Variants in GSK3B observed in about 807,000 individuals in gnomAD.
The protein encoded by GSK3B is glycogen synthase kinase 3 beta, also known as glycogen synthase kinase-3 beta.
GSK3B carries 15 observed loss-of-function variants against 56.4 expected under a neutral mutation model. The ratio of observed to expected loss-of-function variants is 0.27; its 90% CI spans 0.18 to 0.41. The LOEUF is 0.41. Among genes scored for constraint, GSK3B ranks in the 10% least tolerant of loss-of-function variants. The pLI, the probability that GSK3B is intolerant of heterozygous loss-of-function variation, is 1.00. For missense variants in GSK3B, 300 were observed against 513.4 expected, an observed-to-expected ratio of 0.58 and a Z score of 4.02; for synonymous variants, 181 against 188.9, an observed-to-expected ratio of 0.96 and a Z score of 0.34.
At chr3:119,862,024 C>T (rs2056110560) in intron 9 of GSK3B, among the ~76,000 whole-genome samples, 1 of 151,706 alleles carries the variant, frequency 6.6e-6, no homozygotes, top group Non-Finnish European at 1.5e-5. Context: ...ATGTTCAAGA[C>T]ACACATATTT....
At chr3:120,031,160 A>C (rs2057972198) in intron 1 of GSK3B, among the ~76,000 whole-genome samples, 1 of 152,252 alleles carries the variant, frequency 6.6e-6, no homozygotes, top group African/African-American at 2.4e-5. Context: ...CTAGAATTTC[A>C]AAAAAGGTAT....
intron 2 of GSK3B, among the ~76,000 whole-genome samples, chr3:119,970,943 T>C (rs893791989): frequency 2.0e-5 from 3 of 152,232 alleles, no homozygotes; most frequent in African/African-American, 7.2e-5. Context: ...CACTGTTTTG[T>C]AGACTTTTCT....
chr3:119,831,342 T>A (rs951631997), intron 10 of GSK3B, among the ~76,000 whole-genome samples: 7 of 152,176 alleles, frequency 4.6e-5, no homozygotes, highest in African/African-American at 1.7e-4. Context: ...ATTTCTATTA[T>A]CTGTAAGAGA....
chr3:119,897,167 C>T (rs951192013), intron 7 of GSK3B, among the ~76,000 whole-genome samples: 10 of 152,104 alleles, frequency 6.6e-5, no homozygotes, highest in African/African-American at 2.2e-4. Context: ...CCATTATCTG[C>T]AAGTCAAAAG....
chr3:119,926,442 C>A (rs911666958), intron 3 of GSK3B, among the ~76,000 whole-genome samples: 24 of 152,080 alleles, frequency 1.6e-4, no homozygotes, highest in African/African-American at 5.3e-4. Flanking sequence ...TCCAACCACT[C>A]ATCATCTTCA....
intron 2 of GSK3B, among the ~76,000 whole-genome samples, chr3:119,973,090 C>T (rs1559859568): frequency 6.6e-6 from 1 of 152,160 alleles, no homozygotes; most frequent in Non-Finnish European, 1.5e-5. Flanking sequence ...TTGTGCCAGT[C>T]ATTGGATTAA....
chr3:119,987,155 A>G (rs2057524076), intron 2 of GSK3B, among the ~76,000 whole-genome samples: 5 of 152,220 alleles, frequency 3.3e-5, no homozygotes, highest in Admixed American at 3.3e-4. Flanking sequence ...GGCAGGGAAC[A>G]TCACACACTG....
At chr3:120,045,338 T>G (rs112655956) in intron 1 of GSK3B, among the ~76,000 whole-genome samples, 1,844 of 152,310 alleles carry the variant, frequency 0.012, 32 homozygotes, top group African/African-American at 0.042. Flanking sequence ...CCTCCTTGCC[T>G]CTAGTTACTG....
chr3:119,929,953 C>T (rs200706356), intron 3 of GSK3B, among the ~76,000 whole-genome samples: 5 of 151,142 alleles, frequency 3.3e-5, no homozygotes, highest in Admixed American at 1.3e-4. Context: ...TGGCAGCACA[C>T]GCCTGTGGTC....
At chr3:119,986,666 TA>T (rs1208280889) in intron 2 of GSK3B, among the ~76,000 whole-genome samples, 1 of 152,132 alleles carries the variant, frequency 6.6e-6, no homozygotes, top group Non-Finnish European at 1.5e-5. Flanking sequence ...TGGCGGTCGT[TA>T]AAAAGTCAGG....
At chr3:120,051,380 A>C (rs2058147652) in intron 1 of GSK3B, among the ~76,000 whole-genome samples, 1 of 152,160 alleles carries the variant, frequency 6.6e-6, no homozygotes, top group Non-Finnish European at 1.5e-5. Flanking sequence ...TAAAGATAAA[A>C]TAGCTGTTAA....
intron 1 of GSK3B, chr3:120,029,012 A>G: frequency 3.2e-6 from 2 of 628,420 alleles, no homozygotes; most frequent in Non-Finnish European, 5.8e-6. Context: ...CCTTCTTTGT[A>G]TCCTATAGGG....
At chr3:119,844,406 A>G (rs2108012716) in intron 9 of GSK3B, among the ~76,000 whole-genome samples, 1 of 152,050 alleles carries the variant, frequency 6.6e-6, no homozygotes, top group African/African-American at 2.4e-5. Context: ...TGGTTTTTTG[A>G]AAAGATTAAC....
At chr3:119,902,348 G>T (rs2056633292) in intron 7 of GSK3B, among the ~76,000 whole-genome samples, 1 of 152,004 alleles carries the variant, frequency 6.6e-6, no homozygotes, top group Non-Finnish European at 1.5e-5. Context: ...TAGGAAGGAG[G>T]GAGGGAGGGA....
chr3:120,079,995 T>C (rs2058404363), intron 1 of GSK3B, among the ~76,000 whole-genome samples: 1 of 152,144 alleles, frequency 6.6e-6, no homozygotes, highest in African/African-American at 2.4e-5. Context: ...TCGACCACTA[T>C]TTAAGAATTT....
At chr3:119,949,076 TCATAA>T (rs984912683) in intron 2 of GSK3B, among the ~76,000 whole-genome samples, 2 of 152,192 alleles carry the variant, frequency 1.3e-5, no homozygotes, top group African/African-American at 4.8e-5. Flanking sequence ...CTCATTCCTC[TCATAA>T]CATACAGCTA....
chr3:120,048,545 G>A (rs1447550303), intron 1 of GSK3B, among the ~76,000 whole-genome samples: 1 of 152,160 alleles, frequency 6.6e-6, no homozygotes, highest in Non-Finnish European at 1.5e-5. Flanking sequence ...GTTAAGCAGG[G>A]ATAATAGAAT....
At chr3:120,043,795 T>G (rs2058081794) in intron 1 of GSK3B, among the ~76,000 whole-genome samples, 1 of 152,122 alleles carries the variant, frequency 6.6e-6, no homozygotes, top group Admixed American at 6.5e-5. Flanking sequence ...GGCTTAAGAG[T>G]AAAGACCAAT....
chr3:119,989,698 A>C (rs2057546518), intron 2 of GSK3B, among the ~76,000 whole-genome samples: 1 of 152,052 alleles, frequency 6.6e-6, no homozygotes, highest in Non-Finnish European at 1.5e-5. Flanking sequence ...ACAACCAAAC[A>C]GATTCTTGGT....
Sources: allele counts gnomAD v4.1 joint callset (sites outside exome capture counted in the v4.1 genomes callset), GRCh38; gene constraint gnomAD v4.1.1; transcripts MANE v1.5; gene names NCBI Gene and HGNC (gene_info 2026-07-23, HGNC 2026-07-21).